Variants in VIT observed in about 807,000 individuals in gnomAD.
The protein encoded by VIT is vitrin.
VIT carries 99 observed loss-of-function variants against 78.0 expected under a neutral mutation model. The observed-to-expected ratio is 1.27, with a 90% CI of 1.08 to 1.50. VIT has a LOEUF of 1.50. Among genes scored for constraint, VIT ranks in the 40% most tolerant of loss-of-function variants. The pLI, the probability that VIT is intolerant of heterozygous loss-of-function variation, is 0.00. For missense variants in VIT, 1,126 were observed against 875.3 expected (o/e 1.29, Z -3.61); for synonymous variants, 374 against 334.3 (o/e 1.12, Z -1.29).
At chr2:36,741,305 A>G (rs928235186) in intron 3 of VIT, among the ~76,000 whole-genome samples, 21 of 152,340 alleles carry the variant, frequency 1.4e-4, no homozygotes, top group Non-Finnish European at 2.5e-4. Context: ...AGGTAAAAAG[A>G]AAATAGCCGG....
At chr2:36,773,646 G>T in intron 7 of VIT, 145 bp from the exon 8 acceptor site, 1 of 546,460 alleles carries the variant, frequency 1.8e-6, no homozygotes, top group African/African-American at 2.0e-5. Flanking sequence ...TGGGAGAATC[G>T]CTTGAACCCG....
At chr2:36,792,964 A>G (rs1665611809) in intron 12 of VIT, among the ~76,000 whole-genome samples, 1 of 152,204 alleles carries the variant, frequency 6.6e-6, no homozygotes, top group South Asian at 2.1e-4. Flanking sequence ...TCAAAGTGTG[A>G]TCCACAGTAT....
intron 7 of VIT, among the ~76,000 whole-genome samples, chr2:36,773,064 A>G (rs949635832): frequency 1.3e-5 from 2 of 152,244 alleles, no homozygotes; most frequent in Non-Finnish European, 2.9e-5. Flanking sequence ...GTGTACCTCT[A>G]AAAATGATGA....
At chr2:36,705,896 A>G (rs1665387490) in intron 1 of VIT, among the ~76,000 whole-genome samples, 1 of 152,172 alleles carries the variant, frequency 6.6e-6, no homozygotes, top group African/African-American at 2.4e-5. Flanking sequence ...CAGGATGGTC[A>G]GTAGTATCTC....
intron 4 of VIT, among the ~76,000 whole-genome samples, chr2:36,751,250 G>T (rs970426526): frequency 4.6e-5 from 7 of 152,202 alleles, no homozygotes; most frequent in African/African-American, 1.7e-4. Context: ...ATGAAAATCA[G>T]CTGGGTGTGG....
chr2:36,747,129 G>T (rs971429344), intron 4 of VIT, among the ~76,000 whole-genome samples: 1 of 152,028 alleles, frequency 6.6e-6, no homozygotes, highest in Non-Finnish European at 1.5e-5. Flanking sequence ...TCTTGGTATT[G>T]ATTTTTATTT....
chr2:36,734,772 A>G (rs78998828), intron 3 of VIT, among the ~76,000 whole-genome samples: 2,857 of 151,248 alleles, frequency 0.019, 83 homozygotes, highest in African/African-American at 0.065. Context: ...CCTTCTTTGC[A>G]TTTCTTTGGT....
intron 15 of VIT, among the ~76,000 whole-genome samples, chr2:36,809,913 C>T (rs1667025618): frequency 6.7e-6 from 1 of 149,574 alleles, no homozygotes; most frequent in South Asian, 2.1e-4. Flanking sequence ...ATTACTTGAG[C>T]CCTGGAGTTG....
At chr2:36,763,987 C>T (rs183777337) in intron 6 of VIT, among the ~76,000 whole-genome samples, 7 of 152,340 alleles carry the variant, frequency 4.6e-5, no homozygotes, top group Non-Finnish European at 1.0e-4. Context: ...CACTTGAAAG[C>T]ATCTGCATTA....
chr2:36,801,326 C>T lies in VIT; in HGVS notation c.1084C>T (p.Leu362Phe). Residue 362 changes from leucine (L) to phenylalanine (F), a missense_variant, in exon 13 of 16, where the codon CTC (leucine) becomes TTC (phenylalanine). Transcript: ENST00000379242. ...YGDNPATHFN[L>F]KTHTNSRDLK... Reference sequence around the variant, plus strand: ...AGACAACCCTGCTACTCACTTTAACCTCAAGACACACACGAATTCTCGAGA... The same window carrying T: ...AGACAACCCTGCTACTCACTTTAACTTCAAGACACACACGAATTCTCGAGA... 6 of 1,614,094 alleles carry T rather than the reference C, an allele frequency of 3.7e-6. No homozygotes were observed. Among genetic ancestry groups the T allele is most frequent in the Non-Finnish European group, 4.2e-6 (5 of 1,180,014 alleles).
At chr2:36,800,285 C>T (rs1230734823) in intron 12 of VIT, among the ~76,000 whole-genome samples, 1 of 152,122 alleles carries the variant, frequency 6.6e-6, no homozygotes, top group African/African-American at 2.4e-5. Context: ...GCAGAGGTTA[C>T]AGTGAGCTGA....
In VIT at chr2:36,759,227, G is replaced by A. The variant is rs191806632; in HGVS notation, c.487+181G>A. Reference sequence around the variant, plus strand: ...ATGAGATCAGATGGCTGGGGCTGAAGAATGAAAGCTTTATTTTTTGTTTTT... The same window carrying A: ...ATGAGATCAGATGGCTGGGGCTGAAAAATGAAAGCTTTATTTTTTGTTTTT... On this transcript the variant is annotated intron_variant, in intron 6 of 15. Transcript: ENST00000379242. 62 of 1,526,918 alleles carry A rather than the reference G, an allele frequency of 4.1e-5. No homozygotes were observed. The African/African-American group carries it at 7.8e-4, about 19-fold the overall frequency. The allele number at this position is 1,526,918 out of a possible 1,614,324, so 94.6% of individuals were successfully genotyped here. A position where few individuals can be genotyped will look rare whatever the true frequency, so the allele number is the denominator to read the frequency against.
intron 7 of VIT, among the ~76,000 whole-genome samples, chr2:36,771,642 C>T (rs925649920): frequency 3.3e-5 from 5 of 151,660 alleles, no homozygotes; most frequent in South Asian, 2.1e-4. Flanking sequence ...CATTGGAAAT[C>T]GATAATACAC....
chr2:36,813,668 G>T (rs1469738406), intron 15 of VIT, among the ~76,000 whole-genome samples: 4 of 152,150 alleles, frequency 2.6e-5, no homozygotes, highest in Admixed American at 2.6e-4. Flanking sequence ...TCACCCTCAA[G>T]CCTAAAGTGA....
Position 36,791,477 on chromosome 2 carries a change from T to C in VIT, c.1058+4201T>C, listed in dbSNP as rs1665497816. Among the ~76,000 whole-genome samples the C allele has an allele frequency of 2.0e-5, 3 of 152,364 alleles. No homozygotes were observed. In the East Asian group the frequency reaches 5.8e-4, roughly 29 times the overall value. On this transcript the variant is annotated intron_variant, in intron 12 of 15. Transcript: ENST00000379242. ...TTTTACCTCACACAGCAGAAGGGAC[T>C]TTGCAGATGTGATTAAAGTTAACAA... is the stretch of plus-strand genomic sequence containing the variant.
intron 3 of VIT, among the ~76,000 whole-genome samples, chr2:36,733,281 C>T (rs999242155): frequency 6.6e-6 from 1 of 152,112 alleles, no homozygotes; most frequent in Non-Finnish European, 1.5e-5. Context: ...CCTCAGGAAC[C>T]GGCACCCCTG....
At chr2:36,708,712 C>T (rs1354350518) in intron 1 of VIT, among the ~76,000 whole-genome samples, 2 of 152,120 alleles carry the variant, frequency 1.3e-5, no homozygotes, top group East Asian at 1.9e-4. Context: ...CATTGTTTTC[C>T]AACCTGCCAA....
intron 5 of VIT, among the ~76,000 whole-genome samples, chr2:36,756,098 C>A (rs1285864278): frequency 1.3e-5 from 2 of 151,654 alleles, no homozygotes; most frequent in East Asian, 3.9e-4. Flanking sequence ...GCTGGGATTA[C>A]AGGCATGTGC....
chr2:36,810,259 T>A (rs1038602359), intron 15 of VIT, among the ~76,000 whole-genome samples: 2 of 152,222 alleles, frequency 1.3e-5, no homozygotes, highest in East Asian at 3.8e-4. Context: ...GCCATTGCAC[T>A]CCAGCCTGGG....
Sources: gnomAD v4.1 joint callset for allele counts (sites outside exome capture counted in the v4.1 genomes callset) on GRCh38, gnomAD v4.1.1 for gene constraint, MANE v1.5 for transcripts, NCBI Gene and HGNC (gene_info 2026-07-23, HGNC 2026-07-21) for gene names.